The following NCKAP5 variants were observed in gnomAD, a reference collection of about 807,000 sequenced individuals.
The protein encoded by NCKAP5 is nck-associated protein 5.
Under a neutral mutation model 167.0 loss-of-function variants are expected in NCKAP5, and 92 were observed. That is an observed-to-expected ratio of 0.55 (90% confidence interval 0.47 to 0.66). The LOEUF (loss-of-function observed/expected upper bound fraction) is 0.66, where lower values mean the gene tolerates loss of function less well. Among genes scored for constraint, NCKAP5 ranks in the 30% least tolerant of loss-of-function variants. The pLI is 0.00. For missense variants in NCKAP5, 2,378 were observed against 2,315.0 expected (o/e 1.03, Z -0.56); for synonymous variants, 891 against 877.4 (o/e 1.02, Z -0.27).
chr2:132,702,135 T>C (rs1382610771), intron 19 of NCKAP5, among the ~76,000 whole-genome samples: 2 of 152,192 alleles, frequency 1.3e-5, no homozygotes, highest in Non-Finnish European at 2.9e-5. Flanking sequence ...TTTACTCCCA[T>C]CCAGATTAAA....
At chr2:133,568,134 A>C (rs778390224) in intron 1 of NCKAP5, 82 bp downstream of exon 1, 36 of 152,166 alleles carry the variant, frequency 2.4e-4, no homozygotes, top group Non-Finnish European at 4.0e-4. Flanking sequence ...AAACATCATC[A>C]TCTCACTTTA....
intron 4 of NCKAP5, among the ~76,000 whole-genome samples, chr2:133,236,155 T>A (rs1307971331): frequency 1.4e-5 from 2 of 146,116 alleles, no homozygotes; most frequent in East Asian, 2.0e-4. Context: ...CAGGTATGAG[T>A]CATAGTGCTG....
At chr2:133,362,125 T>G (rs547798887) in intron 3 of NCKAP5, among the ~76,000 whole-genome samples, 6 of 152,312 alleles carry the variant, frequency 3.9e-5, no homozygotes, top group African/African-American at 9.6e-5. Context: ...AGAACAAGGA[T>G]GGGATTGTCT....
chr2:133,629,933 A>G, the NCKAP5 span, among the ~76,000 whole-genome samples: 2 of 152,170 alleles, frequency 1.3e-5, no homozygotes, highest in African/African-American at 2.4e-5. Flanking sequence ...CTGAATGATG[A>G]GAATACATGG....
chr2:132,737,742 C>G (rs72989505), intron 16 of NCKAP5, among the ~76,000 whole-genome samples: 54 of 152,222 alleles, frequency 3.5e-4, no homozygotes, highest in African/African-American at 1.3e-3. Flanking sequence ...AAGCCTGGCA[C>G]AATGCTTGCA....
chr2:133,106,972 G>A (rs904677357), intron 6 of NCKAP5, among the ~76,000 whole-genome samples: 6 of 152,092 alleles, frequency 3.9e-5, no homozygotes, highest in Non-Finnish European at 7.4e-5. Context: ...CTTTTCTAAC[G>A]TGAATCTTTT....
At chr2:133,172,531 G>T (rs2084290495) in intron 5 of NCKAP5, among the ~76,000 whole-genome samples, 1 of 152,324 alleles carries the variant, frequency 6.6e-6, no homozygotes, top group Admixed American at 6.5e-5. Context: ...GAGTGCAAAG[G>T]CACGATCTTA....
rs543298705 is a variant in NCKAP5, at chr2:133,090,883, G to A, written c.341+39095C>T. 5.9e-5 allele frequency among the ~76,000 whole-genome samples: 9 copies of A among 152,122 alleles called. No individual in the cohort carries two copies. In the South Asian group the frequency reaches 1.2e-3, roughly 21 times the overall value. ...CACTGTCCTTCCCAGGTAATACCTC[G>A]CTGATGTGGTTTGGGTCTGTGTCCC... On this transcript the variant is annotated intron_variant, in intron 6 of 19. Transcript: ENST00000409261.
At chr2:133,518,535 T>C (rs1178903452) in intron 2 of NCKAP5, among the ~76,000 whole-genome samples, 1 of 151,754 alleles carries the variant, frequency 6.6e-6, no homozygotes, top group Non-Finnish European at 1.5e-5. Flanking sequence ...TTTGTATTTT[T>C]AGTAGAGACA....
At chr2:132,990,644 A>T (rs1027266683) in intron 7 of NCKAP5, among the ~76,000 whole-genome samples, 3 of 152,204 alleles carry the variant, frequency 2.0e-5, no homozygotes, top group Admixed American at 1.3e-4. Context: ...GACCCTAGAG[A>T]GGACAATGAG....
intron 16 of NCKAP5, among the ~76,000 whole-genome samples, chr2:132,737,479 G>A (rs1354017466): frequency 6.6e-6 from 1 of 152,136 alleles, no homozygotes; most frequent in Non-Finnish European, 1.5e-5. Flanking sequence ...AGGGACATAA[G>A]CAGCCAAGAT....
At chr2:133,542,397 G>A (rs1027827737) in intron 2 of NCKAP5, among the ~76,000 whole-genome samples, 3 of 152,122 alleles carry the variant, frequency 2.0e-5, no homozygotes, top group African/African-American at 7.2e-5. Context: ...CATGTAGGTG[G>A]TTTCCAAATT....
intron 4 of NCKAP5, among the ~76,000 whole-genome samples, chr2:133,240,283 A>G (rs1011360681): frequency 1.3e-5 from 2 of 152,244 alleles, no homozygotes; most frequent in Non-Finnish European, 2.9e-5. Flanking sequence ...CCAATATATT[A>G]CAATTGGAGA....
chr2:133,636,334 A>G, the NCKAP5 span, among the ~76,000 whole-genome samples: 1 of 152,238 alleles, frequency 6.6e-6, no homozygotes, highest in Non-Finnish European at 1.5e-5. Context: ...ACAGCCAGCA[A>G]AGAACACTGA....
intron 3 of NCKAP5, among the ~76,000 whole-genome samples, chr2:133,317,623 T>C (rs993419067): frequency 2.6e-5 from 4 of 152,120 alleles, no homozygotes; most frequent in Non-Finnish European, 5.9e-5. Context: ...GGGCTTCTAA[T>C]GTTATGTGGA....
intron 2 of NCKAP5, among the ~76,000 whole-genome samples, chr2:133,537,951 A>G (rs1685886004): frequency 6.6e-6 from 1 of 152,210 alleles, no homozygotes; most frequent in Admixed American, 6.5e-5. Context: ...AACTCCATCA[A>G]CAAGCAAACT....
intron 15 of NCKAP5, among the ~76,000 whole-genome samples, chr2:132,775,074 G>T (rs1682433541): frequency 6.6e-6 from 1 of 152,262 alleles, no homozygotes; most frequent in South Asian, 2.1e-4. Context: ...ATTCCAGACA[G>T]CCACCTAGGC....
chr2:133,160,705 G>T (rs1034168032), intron 5 of NCKAP5, among the ~76,000 whole-genome samples: 3 of 151,852 alleles, frequency 2.0e-5, no homozygotes, highest in Non-Finnish European at 2.9e-5. Context: ...GCCCTTTTAG[G>T]TGCACAATTT....
chr2:132,870,637 G>A (rs946111607), intron 9 of NCKAP5, among the ~76,000 whole-genome samples: 6 of 151,594 alleles, frequency 4.0e-5, no homozygotes, highest in African/African-American at 1.2e-4. Context: ...GTCAACGGGA[G>A]ACTGAGGGAC....
Sources: allele counts gnomAD v4.1 joint callset (sites outside exome capture counted in the v4.1 genomes callset), GRCh38; gene constraint gnomAD v4.1.1; transcripts MANE v1.5; gene names NCBI Gene and HGNC (gene_info 2026-07-23, HGNC 2026-07-21).